Variants in GALK2 observed in about 807,000 individuals in gnomAD.
GALK2 encodes N-acetylgalactosamine kinase.
A neutral mutation model predicts 52.4 loss-of-function variants in GALK2; 36 were observed. That is an observed-to-expected ratio of 0.69 (90% CI 0.53 to 0.91). The LOEUF is 0.91. Ranked by LOEUF, GALK2 falls within the 40% of genes least tolerant of loss-of-function variation. The pLI, the probability that GALK2 is intolerant of heterozygous loss-of-function variation, is 0.00. For missense variants in GALK2, 579 were observed against 559.1 expected (o/e 1.04, Z -0.36); for synonymous variants, 176 against 199.1 (o/e 0.88, Z 0.98).
At chr15:49,218,837 A>G (rs1367272654) in intron 3 of GALK2, among the ~76,000 whole-genome samples, 4 of 151,924 alleles carry the variant, frequency 2.6e-5, no homozygotes, top group African/African-American at 9.7e-5. Flanking sequence ...CCATTTATTT[A>G]TTTATTGAGA....
chr15:49,163,372 G>A (rs992064708), intron 1 of GALK2, among the ~76,000 whole-genome samples: 1 of 152,072 alleles, frequency 6.6e-6, no homozygotes, highest in Non-Finnish European at 1.5e-5. Context: ...AGTTCTTTAT[G>A]CTTTTTGTGT....
intron 5 of GALK2, among the ~76,000 whole-genome samples, chr15:49,278,262 A>AAAAAAC (rs1339207189): frequency 6.6e-6 from 1 of 152,224 alleles, no homozygotes; most frequent in Admixed American, 6.5e-5. Context: ...CACTGACTCA[A>AAAAAAC]AAAAACAAAA....
intron 1 of GALK2, among the ~76,000 whole-genome samples, chr15:49,157,367 C>T (rs1368307986): frequency 6.6e-6 from 1 of 152,142 alleles, no homozygotes; most frequent in African/African-American, 2.4e-5. Context: ...AATAAAGAAT[C>T]AATAAAATCT....
chr15:49,347,049 T>C (rs2041609636), intron 3 of GALK2, among the ~76,000 whole-genome samples: 1 of 152,240 alleles, frequency 6.6e-6, no homozygotes, highest in African/African-American at 2.4e-5. Flanking sequence ...CTTACCCAGA[T>C]TCTAAATGGC....
chr15:49,266,001 C>T (rs913618830), intron 5 of GALK2, among the ~76,000 whole-genome samples: 2 of 152,184 alleles, frequency 1.3e-5, no homozygotes, highest in Admixed American at 1.3e-4. Flanking sequence ...AGACTACCAC[C>T]ACTTGGACTG....
chr15:49,341,557 GC>G (rs1237247281), intron 3 of GALK2, among the ~76,000 whole-genome samples: 1 of 152,064 alleles, frequency 6.6e-6, no homozygotes, highest in South Asian at 2.1e-4. Context: ...TCACCATGTT[GC>G]CCAGGCTGGT....
rs1176171692 is a variant in GALK2 at position 49,262,991 on chromosome 15, A to G, written c.505-18996A>G. Among the ~76,000 whole-genome samples the G allele has an allele frequency of 5.5e-5, 8 of 145,468 alleles. 1 individual carries two copies. Among genetic ancestry groups the G allele is most frequent in the Admixed American group, 5.4e-4 (8 of 14,836 alleles). On this transcript the variant is annotated intron_variant, in intron 5 of 9. Coordinates refer to ENST00000560031, the MANE Select transcript of GALK2 (RefSeq NM_002044.4). ...GCTGAGGAGAGCTTTACTTCCAAGT[A>G]TGTGGTCAGTTTTGGAATAGGTGTG...
chr15:49,195,857 G>A (rs578153506), intron 1 of GALK2, among the ~76,000 whole-genome samples: 28 of 151,922 alleles, frequency 1.8e-4, no homozygotes, highest in African/African-American at 6.8e-4. Context: ...TAGGTAGAAA[G>A]GGGAAAGAGG....
At position 49,319,772 on chromosome 15, in the gene GALK2, G is replaced by A. The variant is rs1184825613; in HGVS notation, c.1136G>A (p.Cys379Tyr). ...MSCRDMYECS[C>Y]PELDQLVDIC... ...TGCCGGGACATGTATGAGTGCAGCT[G>A]CCCCGAGCTGGATCAGCTGGTGGAC... The change falls in exon 9 of 10, where the codon TGC becomes TAC. Residue 379 changes from cysteine to tyrosine, a missense_variant. Cys to Tyr is a radical substitution (Grantham distance 194). Coordinates refer to ENST00000560031, the MANE Select transcript of GALK2 (RefSeq NM_002044.4). The A allele has an allele frequency of 3.1e-6, 5 of 1,613,990 alleles. No individual in the cohort carries two copies. In the African/African-American group the frequency reaches 6.7e-5, roughly 22 times the overall value.
intron 3 of GALK2, among the ~76,000 whole-genome samples, chr15:49,338,246 A>T (rs187991423): frequency 1.3e-5 from 2 of 152,044 alleles, no homozygotes; most frequent in Non-Finnish European, 1.5e-5. Flanking sequence ...ACAATTTGGT[A>T]TGTTTTTGCA....
chr15:49,216,665 G>A (rs750908452), intron 2 of GALK2, among the ~76,000 whole-genome samples: 2 of 152,226 alleles, frequency 1.3e-5, no homozygotes, highest in African/African-American at 2.4e-5. Context: ...GGTGAGGTTG[G>A]TTGGGACTCA....
At chr15:49,217,397 A>T (rs2089465590) in intron 3 of GALK2, 84 bp downstream of exon 3, 3 of 1,292,502 alleles carry the variant, frequency 2.3e-6, no homozygotes, top group Non-Finnish European at 3.2e-6. Context: ...TCAAATTTGT[A>T]ACAGGTCATT....
upstream of GALK2, among the ~76,000 whole-genome samples, chr15:49,166,322 A>G (rs1429149643): frequency 6.6e-6 from 1 of 152,060 alleles, no homozygotes. Flanking sequence ...CACAATTTTT[A>G]TTTCCTCCAT....
At chr15:49,346,885 A>G (rs960196093) in intron 3 of GALK2, among the ~76,000 whole-genome samples, 2 of 152,222 alleles carry the variant, frequency 1.3e-5, no homozygotes, top group African/African-American at 2.4e-5. Context: ...ATCTTAGAGC[A>G]GTTATATTCT....
downstream of GALK2, among the ~76,000 whole-genome samples, chr15:49,334,664 A>T (rs1015685366): frequency 1.2e-4 from 18 of 152,166 alleles, no homozygotes; most frequent in African/African-American, 2.4e-5. Flanking sequence ...ACCCTTGGAA[A>T]GCAGGGGCGC....
chr15:49,156,673 A>G, intron 1 of GALK2: 2 of 516,938 alleles, frequency 3.9e-6, no homozygotes, highest in Non-Finnish European at 3.8e-6. Context: ...TTTCCACTGT[A>G]GAAGCATTGA....
intron 8 of GALK2, among the ~76,000 whole-genome samples, chr15:49,308,024 A>G (rs903569064): frequency 1.3e-5 from 2 of 152,358 alleles, no homozygotes; most frequent in East Asian, 3.9e-4. Flanking sequence ...CCATTTCAGA[A>G]GTTTAACATT....
chr15:49,342,078 G>GT (rs1262140914), intron 3 of GALK2, among the ~76,000 whole-genome samples: 1 of 152,054 alleles, frequency 6.6e-6, no homozygotes, highest in African/African-American at 2.4e-5. Context: ...CAAGTCCTGA[G>GT]TTTTTTTGTT....
rs1178309884 is a variant in GALK2, at chr15:49,330,148, TG to T, written c.*1990del. 1 of 152,256 alleles carries T rather than the reference TG, an allele frequency of 6.6e-6. No individual in the cohort carries two copies. Among genetic ancestry groups the T allele is most frequent in the Admixed American group, 6.5e-5 (1 of 15,278 alleles). The allele number at this position is 152,256 out of a possible 1,614,324, so 9.4% of individuals were successfully genotyped here. On this transcript the variant is annotated 3_prime_UTR_variant, in exon 10 of 10. Transcript: ENST00000560031. ...TAAAAGATGAGTAGAGTTTAAAAGCTGTGGAGTGCACACTGCAGATGAGCAA... is the reference window on the plus strand; with the variant it reads ...TAAAAGATGAGTAGAGTTTAAAAGCTTGGAGTGCACACTGCAGATGAGCAA...
Sources: allele counts gnomAD v4.1 joint callset (sites outside exome capture counted in the v4.1 genomes callset), GRCh38; gene constraint gnomAD v4.1.1; transcripts MANE v1.5; gene names NCBI Gene and HGNC (gene_info 2026-07-23, HGNC 2026-07-21).